Variants in BNC2 observed in about 807,000 individuals in gnomAD.
BNC2 encodes basonuclin zinc finger protein 2, also known as zinc finger protein basonuclin-2.
In BNC2, 20 loss-of-function variants were observed where a neutral mutation model predicts 76.3. The ratio of observed to expected loss-of-function variants is 0.26; its 90% CI spans 0.18 to 0.38. BNC2 has a LOEUF of 0.38. Ranked by LOEUF, BNC2 falls within the 10% of genes least tolerant of loss-of-function variation. The probability of loss-of-function intolerance (pLI) is 1.00; values close to 1 mark genes in which losing one functional copy is unlikely to be tolerated. For missense variants in BNC2, 1,382 were observed against 1,399.8 expected (o/e 0.99, Z 0.20); for synonymous variants, 582 against 514.8 (o/e 1.13, Z -1.77).
intron 5 of BNC2, among the ~76,000 whole-genome samples, chr9:16,479,984 A>G (rs1587076895): frequency 1.3e-5 from 2 of 152,388 alleles, no homozygotes; most frequent in South Asian, 4.1e-4. Context: ...TTATCATAAA[A>G]TAAGTATAGC....
At chr9:16,429,966 G>T in intron 6 of BNC2, 1 of 516,138 alleles carries the variant, frequency 1.9e-6, no homozygotes, top group East Asian at 5.5e-5. Flanking sequence ...ATGATACAAG[G>T]AGACCGTTTT....
chr9:16,549,925 T>C (rs1818607695), intron 5 of BNC2, among the ~76,000 whole-genome samples: 2 of 152,222 alleles, frequency 1.3e-5, no homozygotes, highest in South Asian at 2.1e-4. Flanking sequence ...TCTATCGTTT[T>C]CTCAAAATGT....
chr9:16,483,235 GAAA>G (rs1419837732), intron 5 of BNC2, among the ~76,000 whole-genome samples: 1 of 152,176 alleles, frequency 6.6e-6, no homozygotes, highest in African/African-American at 2.4e-5. Flanking sequence ...CTTGGCCACT[GAAA>G]AAGACACTGC....
chr9:16,714,001 G>A (rs1019420322), intron 3 of BNC2, among the ~76,000 whole-genome samples: 2 of 152,200 alleles, frequency 1.3e-5, no homozygotes, highest in Non-Finnish European at 2.9e-5. Context: ...TTGCGCCTGG[G>A]CGGGAGAGGT....
At chr9:16,717,561 C>T (rs1477611631) in intron 3 of BNC2, among the ~76,000 whole-genome samples, 1 of 152,154 alleles carries the variant, frequency 6.6e-6, no homozygotes, top group Non-Finnish European at 1.5e-5. Context: ...CACATCATGG[C>T]AGCTGACTGC....
chr9:16,648,370 G>A (rs1408726597), intron 3 of BNC2, among the ~76,000 whole-genome samples: 1 of 152,242 alleles, frequency 6.6e-6, no homozygotes, highest in Non-Finnish European at 1.5e-5. Flanking sequence ...GAGGAGAAAT[G>A]ACAGAGGGCT....
At chr9:16,484,065 T>G (rs1274313620) in intron 5 of BNC2, among the ~76,000 whole-genome samples, 1 of 152,190 alleles carries the variant, frequency 6.6e-6, no homozygotes, top group Non-Finnish European at 1.5e-5. Context: ...TGTGATTAAC[T>G]TCTTAAAATG....
chr9:16,470,098 T>C (rs573349077), intron 5 of BNC2, among the ~76,000 whole-genome samples: 260 of 150,178 alleles, frequency 1.7e-3, no homozygotes, highest in Middle Eastern at 3.4e-3. Flanking sequence ...CCCGGGTTCA[T>C]GCCATTCTCC....
At chr9:16,863,001 G>T (rs936704007) in intron 1 of BNC2, among the ~76,000 whole-genome samples, 1 of 150,416 alleles carries the variant, frequency 6.6e-6, no homozygotes, top group Non-Finnish European at 1.5e-5. Flanking sequence ...TGCAACCTCC[G>T]CCTCCCAGGT....
chr9:16,615,004 A>AAAAAAAAAAAG (rs1281440121), intron 3 of BNC2, among the ~76,000 whole-genome samples: 1 of 113,082 alleles, frequency 8.8e-6, no homozygotes. Context: ...AAAAAAAAAA[A>AAAAAAAAAAAG]GCCAAGCAGG....
At chr9:16,725,219 A>ACT (rs771962999) in intron 3 of BNC2, among the ~76,000 whole-genome samples, 8,055 of 51,562 alleles carry the variant, frequency 0.16, 622 homozygotes, top group African/African-American at 0.28. Context: ...TCTCTCTCTC[A>ACT]CACACACACA....
chr9:16,658,538 T>A (rs550972098), intron 3 of BNC2, among the ~76,000 whole-genome samples: 2 of 152,230 alleles, frequency 1.3e-5, no homozygotes, highest in Middle Eastern at 6.8e-3. Context: ...TCCTTAATAT[T>A]TTTTTTCCCA....
intron 1 of BNC2, among the ~76,000 whole-genome samples, chr9:16,859,249 G>T (rs1819337372): frequency 6.6e-6 from 1 of 151,842 alleles, no homozygotes; most frequent in African/African-American, 2.4e-5. Flanking sequence ...GTGCACTGTT[G>T]GCAGGAATGT....
At chr9:16,697,921 AT>A (rs1353140928) in intron 3 of BNC2, among the ~76,000 whole-genome samples, 1 of 152,112 alleles carries the variant, frequency 6.6e-6, no homozygotes, top group Non-Finnish European at 1.5e-5. Context: ...ATAGGAACAC[AT>A]TTCTAAGAAA....
At chr9:16,600,862 AG>A (rs1375657702) in intron 3 of BNC2, among the ~76,000 whole-genome samples, 1 of 152,208 alleles carries the variant, frequency 6.6e-6, no homozygotes, top group Non-Finnish European at 1.5e-5. Flanking sequence ...CACAGTTGTC[AG>A]GTGTCCTACC....
At chr9:16,856,168 G>A (rs1175811180) in intron 1 of BNC2, among the ~76,000 whole-genome samples, 1 of 151,928 alleles carries the variant, frequency 6.6e-6, no homozygotes, top group Non-Finnish European at 1.5e-5. Context: ...AAAAATTTCA[G>A]TCAACTATAC....
chr9:16,574,037 T>A (rs988102607), intron 4 of BNC2, among the ~76,000 whole-genome samples: 2 of 152,136 alleles, frequency 1.3e-5, no homozygotes, highest in African/African-American at 4.8e-5. Flanking sequence ...GGAAGAGTGG[T>A]TGAAAGGATC....
chr9:16,435,425 G>C (rs1404726356), intron 6 of BNC2, 130 bp downstream of exon 6: 19 of 1,126,956 alleles, frequency 1.7e-5, no homozygotes, highest in African/African-American at 4.6e-5. Flanking sequence ...GTTATCACAT[G>C]ATCACTGTGG....
intron 5 of BNC2, among the ~76,000 whole-genome samples, chr9:16,542,299 G>C (rs1486413194): frequency 6.6e-6 from 1 of 152,036 alleles, no homozygotes; most frequent in Non-Finnish European, 1.5e-5. Flanking sequence ...TATTTGGGGG[G>C]CCTCATGTAT....
Sources: allele counts gnomAD v4.1 joint callset (sites outside exome capture counted in the v4.1 genomes callset), GRCh38; gene constraint gnomAD v4.1.1; transcripts MANE v1.5; gene names NCBI Gene and HGNC (gene_info 2026-07-23, HGNC 2026-07-21).